DMD: variants seen among roughly 807,000 people sequenced by gnomAD.
The protein encoded by DMD is mutant dystrophin.
In DMD, 63 loss-of-function variants were observed where a neutral mutation model predicts 330.1. That is an observed-to-expected ratio of 0.19 (90% CI 0.16 to 0.24). The LOEUF (loss-of-function observed/expected upper bound fraction) is 0.24, where lower values mean the gene tolerates loss of function less well. DMD is among the 10% of genes least tolerant of loss of function. The pLI is 1.00. For missense variants in DMD, 3,344 were observed against 2,684.1 expected, an observed-to-expected ratio of 1.25 and a Z score of -5.43; for synonymous variants, 1,223 against 959.8, an observed-to-expected ratio of 1.27 and a Z score of -5.07.
chrX:32,635,839 C>A (rs1394836144), intron 11 of DMD, among the ~76,000 whole-genome samples: 1 of 112,115 alleles, frequency 8.9e-6, no homozygotes, highest in Admixed American at 9.5e-5. Flanking sequence ...TCACTGTTTT[C>A]ACTATCTCAT....
intron 20 of DMD, among the ~76,000 whole-genome samples, chrX:32,487,960 A>T (rs964554987): frequency 2.7e-5 from 3 of 111,847 alleles, no homozygotes; most frequent in African/African-American, 9.7e-5. Flanking sequence ...AAATGGCAGC[A>T]TTGGCATCTA....
chrX:31,310,017 T>C (rs148533787), intron 62 of DMD, among the ~76,000 whole-genome samples: 1,528 of 110,891 alleles, frequency 0.014, 25 homozygotes, highest in African/African-American at 0.047. Flanking sequence ...TTTCCTCTAG[T>C]TAACCACTAT....
intron 44 of DMD, among the ~76,000 whole-genome samples, chrX:32,069,643 A>G (rs1441172371): frequency 8.9e-6 from 1 of 112,068 alleles, no homozygotes; most frequent in Non-Finnish European, 1.9e-5. Context: ...TGATAGATTA[A>G]TGACTGCATA....
At chrX:32,459,628 G>T (rs901368400) in intron 25 of DMD, among the ~76,000 whole-genome samples, 2 of 110,862 alleles carry the variant, frequency 1.8e-5, no homozygotes, top group Non-Finnish European at 3.8e-5. Flanking sequence ...TCTTCTCTTA[G>T]TACCCACTCT....
intron 20 of DMD, among the ~76,000 whole-genome samples, chrX:32,489,399 G>C (rs766524158): frequency 9.0e-6 from 1 of 110,645 alleles, no homozygotes; most frequent in Non-Finnish European, 1.9e-5. Context: ...AGGAGGCAGA[G>C]ATAAAGAGAG....
At chrX:31,166,538 C>G (rs1339610688) in intron 74 of DMD, among the ~76,000 whole-genome samples, 2 of 111,589 alleles carry the variant, frequency 1.8e-5, no homozygotes, top group Non-Finnish European at 3.8e-5. Context: ...ATTGCGTAGC[C>G]CAATGCTGAC....
At chrX:33,268,910 A>G in intron 1 of DMD, among the ~76,000 whole-genome samples, 1 of 88,666 alleles carries the variant, frequency 1.1e-5, no homozygotes, top group Non-Finnish European at 2.1e-5. Flanking sequence ...TGGGTGACAA[A>G]AAAAAAAAAA....
At chrX:33,336,603 A>T (rs991061005) in intron 1 of DMD, among the ~76,000 whole-genome samples, 2 of 111,672 alleles carry the variant, frequency 1.8e-5, no homozygotes, top group Non-Finnish European at 3.8e-5. Context: ...TAAATGCCTT[A>T]GAGAAAACAA....
chrX:32,435,897 C>A (rs1277175668), intron 29 of DMD, among the ~76,000 whole-genome samples: 1 of 111,552 alleles, frequency 9.0e-6, no homozygotes, highest in Non-Finnish European at 1.9e-5. Context: ...CCTGGAGCCC[C>A]ACCTCATTTC....
intron 44 of DMD, among the ~76,000 whole-genome samples, chrX:32,215,434 A>C (rs2097108886): frequency 9.0e-6 from 1 of 111,319 alleles, no homozygotes; most frequent in Non-Finnish European, 1.9e-5. Context: ...CTCCCTAGTT[A>C]ACCTTCTACA....
rs769985775 is a variant in DMD, at chrX:32,448,630, T to C, written c.3612A>G (p.Lys1204=). The C allele has an allele frequency of 4.2e-6, 5 of 1,200,063 alleles. No homozygotes were observed. The highest frequency in any genetic ancestry group is 4.5e-5 in the Admixed American group (2 of 44,768). The change falls in exon 27 of 79, where the codon AAA becomes AAG. Residue 1204 remains lysine, a synonymous_variant. Coordinates refer to ENST00000357033, the MANE Select transcript of DMD (RefSeq NM_004006.3). The part of the protein sequence containing the change: ...QKAVEEMKRA[K]EEAQQKEAKV... ...TCGCTTCTTTTTGTTGGGCCTCTTCTTTAGCTCTCTGAAAAATAAAGAATG... is the reference window on the plus strand; with the variant it reads ...TCGCTTCTTTTTGTTGGGCCTCTTCCTTAGCTCTCTGAAAAATAAAGAATG...
chrX:32,456,958 T>TAAAA (rs59677275), intron 25 of DMD, among the ~76,000 whole-genome samples: 1 of 80,062 alleles, frequency 1.2e-5, no homozygotes, highest in African/African-American at 4.6e-5. Flanking sequence ...TCCAGATTGT[T>TAAAA]AAAAAAAAAA....
chrX:31,221,489 G>C (rs778728845), intron 64 of DMD, among the ~76,000 whole-genome samples: 8 of 112,244 alleles, frequency 7.1e-5, no homozygotes, highest in Non-Finnish European at 1.3e-4. Flanking sequence ...TACTCTTCTA[G>C]AGTTACCTAG....
chrX:32,453,134 C>A (rs766714721), intron 26 of DMD, among the ~76,000 whole-genome samples: 1 of 111,007 alleles, frequency 9.0e-6, no homozygotes, highest in Admixed American at 9.6e-5. Flanking sequence ...ATGTTTACTT[C>A]TAGGCAAATT....
chrX:31,853,930 C>T (rs1464163245), intron 48 of DMD, among the ~76,000 whole-genome samples: 2 of 111,752 alleles, frequency 1.8e-5, no homozygotes, highest in Non-Finnish European at 3.8e-5. Flanking sequence ...CCCAGCATCT[C>T]GATTTGTTTC....
chrX:32,250,144 G>A (rs1271626905), intron 43 of DMD, among the ~76,000 whole-genome samples: 1 of 110,974 alleles, frequency 9.0e-6, no homozygotes, highest in Non-Finnish European at 1.9e-5. Context: ...CTTCTCAATG[G>A]AGGATTTTTA....
chrX:31,649,781 T>C (rs1386206410), intron 54 of DMD, among the ~76,000 whole-genome samples: 6 of 111,025 alleles, frequency 5.4e-5, no homozygotes, highest in Admixed American at 4.8e-4. Context: ...AGACACATTT[T>C]CATACTGCTA....
At chrX:32,038,358 CA>C (rs2095968553) in intron 44 of DMD, among the ~76,000 whole-genome samples, 1 of 111,606 alleles carries the variant, frequency 9.0e-6, no homozygotes, top group African/African-American at 3.3e-5. Context: ...AATACATTAG[CA>C]ATGATCTTGT....
chrX:31,321,656 A>G (rs1242497902), intron 62 of DMD, among the ~76,000 whole-genome samples: 1 of 106,545 alleles, frequency 9.4e-6, no homozygotes, highest in African/African-American at 3.5e-5. Flanking sequence ...GCCTAAAGCC[A>G]TACAGTCGCC....
Sources: allele counts gnomAD v4.1 joint callset (sites outside exome capture counted in the v4.1 genomes callset), GRCh38; gene constraint gnomAD v4.1.1; transcripts MANE v1.5; gene names NCBI Gene and HGNC (gene_info 2026-07-23, HGNC 2026-07-21).